ATP11C: variants seen among roughly 807,000 people sequenced by gnomAD.
The protein encoded by ATP11C is ATPase phospholipid transporting 11C (ATP11C blood group).
A neutral mutation model predicts 97.4 loss-of-function variants in ATP11C; 36 were observed. The observed-to-expected ratio is 0.37, with a 90% CI of 0.28 to 0.49. The LOEUF (loss-of-function observed/expected upper bound fraction) is 0.49. Ranked by LOEUF, ATP11C falls within the 20% of genes least tolerant of loss-of-function variation. The pLI is 0.98. For synonymous variants in ATP11C, 275 were observed against 290.9 expected, an observed-to-expected ratio of 0.95 and a Z score of 0.56; for missense variants, 730 against 824.6, an observed-to-expected ratio of 0.89 and a Z score of 1.40.
At chrX:139,915,745 T>C (rs2085145736) in intron 1 of ATP11C, among the ~76,000 whole-genome samples, 1 of 112,157 alleles carries the variant, frequency 8.9e-6, no homozygotes, top group South Asian at 3.7e-4. Flanking sequence ...TTAATTGATA[T>C]ATAATAGTTG....
chrX:139,785,110 T>C, intron 16 of ATP11C, 116 bp downstream of exon 16: 1 of 520,788 alleles, frequency 1.9e-6, no homozygotes, highest in Non-Finnish European at 3.2e-6. Context: ...CTGCTTTGCA[T>C]GACTTTCACT....
rs933249646 is a variant in ATP11C, at chrX:139,860,830, A to T, written c.28-34007T>A. Among the ~76,000 whole-genome samples, 3 of 112,163 alleles carry T rather than the reference A, an allele frequency of 2.7e-5. No individual in the cohort carries two copies. The Admixed American group carries it at 2.8e-4, about 11-fold the overall frequency. On this transcript the variant is annotated intron_variant, in intron 1 of 29. Transcript: ENST00000682941. ...GAGACTCCGTCTCAGAAAAAATAAA[A>T]ATAAAAAGAAGCCAGATTCAGATAC...
At chrX:139,853,402 G>A (rs1011691537) in intron 1 of ATP11C, among the ~76,000 whole-genome samples, 1 of 109,775 alleles carries the variant, frequency 9.1e-6, no homozygotes, top group African/African-American at 3.3e-5. Flanking sequence ...AAGAGGCAAA[G>A]AGAGAGAGAG....
chrX:139,804,531 G>A lies in ATP11C; in HGVS notation c.495C>T (p.Cys165=), dbSNP rs145719515. ...FPCDLILLSS[C]TTDGTCYVTT... ...TGACATAACAGGTTCCATCAGTGGTGCAAGATGATAGAAGAATAAGATCAC... is the reference window on the plus strand; with the variant it reads ...TGACATAACAGGTTCCATCAGTGGTACAAGATGATAGAAGAATAAGATCAC... Residue 165 remains cysteine, a synonymous_variant, in exon 6 of 30, where the codon TGC becomes TGT. Transcript: ENST00000682941. 15 of 1,198,866 alleles carry A rather than the reference G, an allele frequency of 1.3e-5. No homozygotes were observed. In the Admixed American group the frequency reaches 1.5e-4, roughly 12 times the overall value.
At chrX:139,905,201 A>G (rs1415336032) in intron 1 of ATP11C, among the ~76,000 whole-genome samples, 1 of 112,328 alleles carries the variant, frequency 8.9e-6, no homozygotes, top group Non-Finnish European at 1.9e-5. Context: ...GTGTGAGAGG[A>G]AAACAATGGA....
intron 1 of ATP11C, among the ~76,000 whole-genome samples, chrX:139,872,940 T>A (rs1454492416): frequency 8.9e-6 from 1 of 112,181 alleles, no homozygotes; most frequent in Non-Finnish European, 1.9e-5. Flanking sequence ...CACCCAGCAA[T>A]AGGGCTTGTT....
chrX:139,844,193 A>C (rs2083876491), intron 1 of ATP11C, among the ~76,000 whole-genome samples: 1 of 112,314 alleles, frequency 8.9e-6, no homozygotes, highest in Non-Finnish European at 1.9e-5. Context: ...ACAGAATAGT[A>C]CATTGTGACT....
chrX:139,897,454 C>A (rs1342673348), intron 1 of ATP11C, among the ~76,000 whole-genome samples: 1 of 109,692 alleles, frequency 9.1e-6, no homozygotes, highest in Non-Finnish European at 1.9e-5. Flanking sequence ...GAAGCCGAGG[C>A]GGGCGGACAG....
At position 139,797,219 on chromosome X, in the gene ATP11C, G is replaced by A; in HGVS notation, c.965C>T (p.Pro322Leu). Residue 322 changes from proline (P) to leucine (L), a missense_variant, in exon 11 of 30, where the codon CCT (proline) becomes CTT (leucine). Coordinates refer to ENST00000682941, the MANE Select transcript of ATP11C (RefSeq NM_001353812.2). ...VWQSTPYNDE[P>L]WYNQKTQKER... ...TTTCTGAGTCTTTTGGTTATACCAA[G>A]GTTCATCATTGTATGGGGTACTTTG... The A allele has an allele frequency of 8.3e-7, 1 of 1,204,648 alleles. No homozygotes were observed. Among genetic ancestry groups the A allele is most frequent in the Non-Finnish European group, 1.1e-6 (1 of 892,471 alleles).
chrX:139,789,538 T>C (rs2082645344), intron 12 of ATP11C, 50 bp from the exon 13 acceptor site: 4 of 1,034,382 alleles, frequency 3.9e-6, no homozygotes, highest in Non-Finnish European at 5.2e-6. Flanking sequence ...GTGTGACTAA[T>C]TTTTAGTTTG....
intron 1 of ATP11C, among the ~76,000 whole-genome samples, chrX:139,909,522 C>G (rs922980603): frequency 2.7e-5 from 3 of 109,883 alleles, no homozygotes; most frequent in Non-Finnish European, 5.7e-5. Context: ...GATAAAACTG[C>G]ATAGAACTAA....
chrX:139,873,743 A>G (rs2084417158), intron 1 of ATP11C, among the ~76,000 whole-genome samples: 1 of 105,318 alleles, frequency 9.5e-6, no homozygotes, highest in African/African-American at 3.5e-5. Context: ...AAGATGGTAA[A>G]TTTCGTTACA....
chrX:139,877,951 A>G (rs977082845), intron 1 of ATP11C, among the ~76,000 whole-genome samples: 12 of 111,525 alleles, frequency 1.1e-4, no homozygotes, highest in Non-Finnish European at 2.1e-4. Context: ...TGAAACCGGA[A>G]GAGGGAGGTT....
chrX:139,844,625 A>G (rs922867518), intron 1 of ATP11C, among the ~76,000 whole-genome samples: 19 of 112,287 alleles, frequency 1.7e-4, no homozygotes, highest in African/African-American at 6.2e-4. Flanking sequence ...ACCTTCTCCT[A>G]TCATTCTTTC....
chrX:139,739,607 A>AT (rs747867761), intron 27 of ATP11C, among the ~76,000 whole-genome samples: 139 of 112,014 alleles, frequency 1.2e-3, no homozygotes, highest in Non-Finnish European at 2.1e-3. Flanking sequence ...TTAACATTTC[A>AT]TTTTTAGTAG....
chrX:139,730,999 T>A (rs2081330469), intron 29 of ATP11C, among the ~76,000 whole-genome samples: 1 of 111,736 alleles, frequency 8.9e-6, no homozygotes, highest in Non-Finnish European at 1.9e-5. Context: ...TTTTATATCA[T>A]TAGGCAAGCA....
chrX:139,768,181 A>G, intron 20 of ATP11C, 79 bp downstream of exon 20: 2 of 786,327 alleles, frequency 2.5e-6, no homozygotes, highest in Non-Finnish European at 3.4e-6. Context: ...AGAAGAAATA[A>G]TTTTTTAAAA....
intron 2 of ATP11C, among the ~76,000 whole-genome samples, chrX:139,825,860 T>A (rs1569473723): frequency 1.8e-5 from 2 of 112,446 alleles, no homozygotes; most frequent in African/African-American, 6.5e-5. Context: ...CTATAAGAGA[T>A]GGCAGTAGGC....
intron 25 of ATP11C, among the ~76,000 whole-genome samples, chrX:139,745,049 A>C (rs934971535): frequency 9.0e-6 from 1 of 111,717 alleles, no homozygotes; most frequent in African/African-American, 3.3e-5. Context: ...AGAAATAGCA[A>C]AGGAGAACTT....
Sources: gnomAD v4.1 joint callset for allele counts (sites outside exome capture counted in the v4.1 genomes callset) on GRCh38, gnomAD v4.1.1 for gene constraint, MANE v1.5 for transcripts, NCBI Gene and HGNC (gene_info 2026-07-23, HGNC 2026-07-21) for gene names.